FBXO34: variants seen among roughly 807,000 people sequenced by gnomAD.
FBXO34 encodes the protein F-box only protein 34.
In FBXO34, 12 loss-of-function variants were observed where a neutral mutation model predicts 24.5. The observed-to-expected ratio is 0.49, with a 90% CI of 0.31 to 0.79. FBXO34 has a LOEUF of 0.79. FBXO34 is among the 30% of genes least tolerant of loss of function. The pLI is 0.04. For synonymous variants in FBXO34, 320 were observed against 311.9 expected, an observed-to-expected ratio of 1.03 and a Z score of -0.27; for missense variants, 823 against 857.7, an observed-to-expected ratio of 0.96 and a Z score of 0.51.
chr14:55,353,670 T>C (rs1231725064), downstream of FBXO34: 1 of 166,884 alleles, frequency 6.0e-6, no homozygotes, highest in Non-Finnish European at 1.5e-5. Context: ...AAGGTTCTTG[T>C]GAATTGAATC....
chr14:55,398,853 C>CA, the FBXO34 span, among the ~76,000 whole-genome samples: 9,115 of 130,446 alleles, frequency 0.07, 335 homozygotes, highest in South Asian at 0.1. Flanking sequence ...AGGGCATGGA[C>CA]AAAAAAAAAA....
At chr14:55,411,041 A>G in the FBXO34 span, among the ~76,000 whole-genome samples, 1 of 152,182 alleles carries the variant, frequency 6.6e-6, no homozygotes, top group Non-Finnish European at 1.5e-5. Flanking sequence ...AATTCCTAAG[A>G]ATCTAAAATA....
chr14:55,386,288 A>C, the FBXO34 span, among the ~76,000 whole-genome samples: 2 of 152,202 alleles, frequency 1.3e-5, no homozygotes, highest in Non-Finnish European at 2.9e-5. Context: ...AGCAAAGAGA[A>C]CCATGATTAA....
the FBXO34 span, among the ~76,000 whole-genome samples, chr14:55,406,176 G>A: frequency 6.6e-6 from 1 of 152,074 alleles, no homozygotes; most frequent in African/African-American, 2.4e-5. Context: ...AATTTTCCTT[G>A]AGCTGCTAAA....
chr14:55,311,052 A>C (rs1456647714), intron 1 of FBXO34, among the ~76,000 whole-genome samples: 1 of 152,222 alleles, frequency 6.6e-6, no homozygotes, highest in East Asian at 1.9e-4. Context: ...ATATTGTATT[A>C]GTCCACACTG....
the FBXO34 span, among the ~76,000 whole-genome samples, chr14:55,410,524 G>A: frequency 6.6e-6 from 1 of 152,168 alleles, no homozygotes; most frequent in South Asian, 2.1e-4. Context: ...AAAAGAGTTT[G>A]TCATTCAAAC....
chr14:55,351,010 T>G lies in FBXO34; in HGVS notation c.620T>G (p.Val207Gly). ...DGVYAGRPLSVIQMVAFLEQR... is the reference protein window; with the variant it reads ...DGVYAGRPLSGIQMVAFLEQR... ...GTCTATGCTGGGAGGCCTCTGTCAG[T>G]TATACAGATGGTTGCCTTCTTGGAG... Residue 207 changes from valine (V) to glycine (G), a missense_variant, in exon 2 of 2, where the codon GTT (valine) becomes GGT (glycine). Transcript: ENST00000313833. The G allele has an allele frequency of 6.2e-7, 1 of 1,614,198 alleles. No individual in the cohort carries two copies. The highest frequency in any genetic ancestry group is 8.5e-7 in the Non-Finnish European group (1 of 1,180,020).
downstream of FBXO34, among the ~76,000 whole-genome samples, chr14:55,363,566 T>C (rs1045909226): frequency 2.0e-5 from 3 of 152,094 alleles, no homozygotes; most frequent in African/African-American, 7.2e-5. Flanking sequence ...TGACTTCAGG[T>C]GATCCACCCA....
intron 1 of FBXO34, among the ~76,000 whole-genome samples, chr14:55,333,785 A>C (rs1436588922): frequency 6.6e-6 from 1 of 150,580 alleles, no homozygotes; most frequent in Non-Finnish European, 1.5e-5. Flanking sequence ...TGTAGTAAAG[A>C]CTCATGGGGA....
At chr14:55,327,617 G>A (rs939158242) in intron 1 of FBXO34, among the ~76,000 whole-genome samples, 1 of 152,134 alleles carries the variant, frequency 6.6e-6, no homozygotes, top group African/African-American at 2.4e-5. Flanking sequence ...AAATAGGAAA[G>A]ATTTTGGAGA....
chr14:55,427,701 A>T, the FBXO34 span, among the ~76,000 whole-genome samples: 1 of 152,020 alleles, frequency 6.6e-6, no homozygotes. Flanking sequence ...TGGGAGAGCC[A>T]CCAAAACGGC....
chr14:55,317,906 G>C (rs1425715591), intron 1 of FBXO34, among the ~76,000 whole-genome samples: 2 of 152,120 alleles, frequency 1.3e-5, no homozygotes. Flanking sequence ...TGCAAGGGTA[G>C]GTATTTGCCT....
At chr14:55,331,448 A>G (rs1883528885) in intron 1 of FBXO34, among the ~76,000 whole-genome samples, 1 of 151,328 alleles carries the variant, frequency 6.6e-6, no homozygotes, top group Non-Finnish European at 1.5e-5. Flanking sequence ...TTTCTATGTT[A>G]CAAATATATA....
At chr14:55,427,609 T>C in the FBXO34 span, among the ~76,000 whole-genome samples, 1 of 152,130 alleles carries the variant, frequency 6.6e-6, no homozygotes, top group African/African-American at 2.4e-5. Context: ...CCAAGTGCCC[T>C]AGCCCAGGTG....
the FBXO34 span, among the ~76,000 whole-genome samples, chr14:55,375,470 G>A: frequency 6.8e-6 from 1 of 146,052 alleles, no homozygotes; most frequent in Non-Finnish European, 1.5e-5. Flanking sequence ...CTACAGGCAT[G>A]CATTACCACG....
In FBXO34 at chr14:55,350,868, G is replaced by T; in HGVS notation, c.478G>T (p.Ala160Ser). 7 of 1,613,276 alleles carry T rather than the reference G, an allele frequency of 4.3e-6. No homozygotes were observed. Among genetic ancestry groups the T allele is most frequent in the Non-Finnish European group, 5.9e-6 (7 of 1,179,820 alleles). ...RRKKSGDLKKAKVQVERMREV... is the reference protein window; with the variant it reads ...RRKKSGDLKKSKVQVERMREV... Reference sequence around the variant, plus strand: ...GAAAAAATCAGGGGATCTTAAAAAAGCCAAGGTACAGGTGGAAAGGATGAG... The same window carrying T: ...GAAAAAATCAGGGGATCTTAAAAAATCCAAGGTACAGGTGGAAAGGATGAG... Residue 160 changes from alanine (A) to serine (S), a missense_variant, in exon 2 of 2, where the codon GCC becomes TCC. Ala to Ser is a moderately conservative substitution (Grantham distance 99). Around this residue, in one of 2 missense-constraint regions of FBXO34, gnomAD observed 693 missense variants for 659.1 expected, o/e 1.05. Coordinates refer to ENST00000313833, the MANE Select transcript of FBXO34 (RefSeq NM_017943.4).
chr14:55,442,490 C>G, the FBXO34 span, among the ~76,000 whole-genome samples: 1 of 152,012 alleles, frequency 6.6e-6, no homozygotes, highest in Non-Finnish European at 1.5e-5. Flanking sequence ...TTTAATGTCT[C>G]TGTACCAAGC....
At chr14:55,375,222 T>C in the FBXO34 span, among the ~76,000 whole-genome samples, 1 of 152,266 alleles carries the variant, frequency 6.6e-6, no homozygotes, top group South Asian at 2.1e-4. Context: ...AGATCACTGC[T>C]ATGGAATTTA....
At chr14:55,308,177 G>A (rs1323252304) in intron 1 of FBXO34, among the ~76,000 whole-genome samples, 1 of 152,192 alleles carries the variant, frequency 6.6e-6, no homozygotes, top group Non-Finnish European at 1.5e-5. Flanking sequence ...GAGAAAACAA[G>A]CATTTTGCAT....
Sources: allele counts gnomAD v4.1 joint callset (sites outside exome capture counted in the v4.1 genomes callset), GRCh38; gene constraint gnomAD v4.1.1; regional missense constraint gnomAD v4.1.1; transcripts MANE v1.5; gene names NCBI Gene and HGNC (gene_info 2026-07-23, HGNC 2026-07-21).